Variants in SGCD observed in about 807,000 individuals in gnomAD.
SGCD encodes sarcoglycan delta, also known as delta-sarcoglycan.
SGCD carries 18 observed loss-of-function variants against 36.6 expected under a neutral mutation model. The observed-to-expected ratio is 0.49, with a 90% CI of 0.34 to 0.73. The LOEUF (loss-of-function observed/expected upper bound fraction) is 0.73, where lower values mean the gene tolerates loss of function less well. Ranked by LOEUF, SGCD falls within the 30% of genes least tolerant of loss-of-function variation. SGCD has a pLI of 0.01. For missense variants in SGCD, 387 were observed against 346.7 expected, an observed-to-expected ratio of 1.12 and a Z score of -0.92; for synonymous variants, 133 against 130.6, an observed-to-expected ratio of 1.02 and a Z score of -0.12.
chr5:155,952,322 C>A (rs1442150118), intron 1 of SGCD, among the ~76,000 whole-genome samples: 1 of 151,950 alleles, frequency 6.6e-6, no homozygotes, highest in African/African-American at 2.4e-5. Context: ...TATACTGCGT[C>A]AAAGTGGATG....
chr5:155,996,811 A>C (rs1758555298), intron 1 of SGCD, among the ~76,000 whole-genome samples: 1 of 151,738 alleles, frequency 6.6e-6, no homozygotes. Context: ...AATAAAAATA[A>C]TTTTTAAAAA....
intron 1 of SGCD, among the ~76,000 whole-genome samples, chr5:156,049,503 A>C (rs1759860948): frequency 6.8e-6 from 1 of 146,002 alleles, no homozygotes; most frequent in African/African-American, 2.5e-5. Context: ...TATTTAATTG[A>C]GCAGTGGTTT....
chr5:156,292,078 T>C (rs1179615539), intron 3 of SGCD, among the ~76,000 whole-genome samples: 1 of 152,148 alleles, frequency 6.6e-6, no homozygotes, highest in Admixed American at 6.6e-5. Context: ...TGTGTATAAG[T>C]GAGATCTGCA....
At chr5:155,859,720 AC>A in the SGCD span, among the ~76,000 whole-genome samples, 1 of 152,166 alleles carries the variant, frequency 6.6e-6, no homozygotes. Flanking sequence ...GTATAGATGT[AC>A]CTTATAGTTG....
intron 1 of SGCD, among the ~76,000 whole-genome samples, chr5:155,891,974 C>G (rs1204837305): frequency 6.6e-6 from 1 of 152,048 alleles, no homozygotes; most frequent in African/African-American, 2.4e-5. Flanking sequence ...TTTCATTATT[C>G]CTCCTGCAGA....
intron 7 of SGCD, among the ~76,000 whole-genome samples, chr5:156,757,263 CA>C (rs34767809): frequency 6.5e-4 from 45 of 69,362 alleles, no homozygotes; most frequent in African/African-American, 1.8e-3. Flanking sequence ...CTTACTTTTA[CA>C]AAAAAAAAAA....
chr5:156,211,481 G>C (rs185919119), intron 3 of SGCD, among the ~76,000 whole-genome samples: 106 of 151,980 alleles, frequency 7.0e-4, no homozygotes, highest in African/African-American at 2.6e-3. Flanking sequence ...GGTGGCGGGC[G>C]CCTGTAGTCC....
At chr5:156,497,170 ACTCTCTCTCTCTCT>A (rs10559912) in intron 3 of SGCD, among the ~76,000 whole-genome samples, 67 of 145,222 alleles carry the variant, frequency 4.6e-4, no homozygotes, top group Admixed American at 5.6e-4. Flanking sequence ...ACTCTCCTGC[ACTCTCTCTCTCTCT>A]CTCTCTCTCT....
At chr5:156,197,013 C>G (rs10057957) in intron 3 of SGCD, among the ~76,000 whole-genome samples, 5,246 of 152,292 alleles carry the variant, frequency 0.034, 114 homozygotes, top group African/African-American at 0.062. Flanking sequence ...CTGTTAATCA[C>G]TCTCCCAGTA....
At chr5:156,538,308 T>G (rs1758203529) in intron 4 of SGCD, among the ~76,000 whole-genome samples, 1 of 152,166 alleles carries the variant, frequency 6.6e-6, no homozygotes, top group Non-Finnish European at 1.5e-5. Flanking sequence ...GTTAAATGTT[T>G]TCTGATTTTC....
At chr5:155,771,430 A>AT in the SGCD span, among the ~76,000 whole-genome samples, 8,089 of 141,788 alleles carry the variant, frequency 0.057, 381 homozygotes, top group African/African-American at 0.13. Flanking sequence ...TTAATTTTTA[A>AT]TTTTTTTTTT....
intron 1 of SGCD, among the ~76,000 whole-genome samples, chr5:156,026,050 A>G (rs1277016059): frequency 6.6e-6 from 1 of 152,222 alleles, no homozygotes; most frequent in Non-Finnish European, 1.5e-5. Flanking sequence ...GTTAGATCAA[A>G]TTTAGTTAGA....
chr5:155,835,221 TG>T, the SGCD span, among the ~76,000 whole-genome samples: 1 of 152,016 alleles, frequency 6.6e-6, no homozygotes, highest in African/African-American at 2.4e-5. Flanking sequence ...TTGGCCAGGC[TG>T]GTCTCAAACT....
intron 3 of SGCD, among the ~76,000 whole-genome samples, chr5:156,410,830 T>G (rs1272491752): frequency 3.3e-5 from 5 of 152,166 alleles, no homozygotes; most frequent in Non-Finnish European, 7.3e-5. Context: ...TCTGTCTCTG[T>G]CCTGCTGTTT....
At chr5:156,511,514 A>G (rs1220375650) in intron 4 of SGCD, among the ~76,000 whole-genome samples, 5 of 152,224 alleles carry the variant, frequency 3.3e-5, no homozygotes, top group African/African-American at 1.2e-4. Flanking sequence ...TGCATCTGGA[A>G]TACAATCTAA....
chr5:156,387,443 A>G (rs1445386006), intron 3 of SGCD, among the ~76,000 whole-genome samples: 1 of 152,218 alleles, frequency 6.6e-6, no homozygotes, highest in Non-Finnish European at 1.5e-5. Context: ...TTTAATTGCT[A>G]TACAAATATG....
intron 3 of SGCD, among the ~76,000 whole-genome samples, chr5:156,385,770 C>T (rs1771243752): frequency 6.6e-6 from 1 of 152,158 alleles, no homozygotes; most frequent in South Asian, 2.1e-4. Context: ...TTTACGTGCT[C>T]AGAGTGATGG....
At chr5:156,212,805 C>T (rs1257348919) in intron 3 of SGCD, among the ~76,000 whole-genome samples, 2 of 152,022 alleles carry the variant, frequency 1.3e-5, no homozygotes, top group Non-Finnish European at 2.9e-5. Flanking sequence ...GTATTATTTT[C>T]TGTCCACAAT....
intron 3 of SGCD, among the ~76,000 whole-genome samples, chr5:156,490,393 A>G (rs1755881445): frequency 6.6e-6 from 1 of 152,030 alleles, no homozygotes; most frequent in Non-Finnish European, 1.5e-5. Flanking sequence ...CCAGACAAGG[A>G]CACAAGAAAA....
Sources: allele counts gnomAD v4.1 joint callset (sites outside exome capture counted in the v4.1 genomes callset), GRCh38; gene constraint gnomAD v4.1.1; transcripts MANE v1.5; gene names NCBI Gene and HGNC (gene_info 2026-07-23, HGNC 2026-07-21).